The following CALN1 variants were observed in gnomAD, a reference collection of about 807,000 sequenced individuals.
The protein encoded by CALN1 is calneuron 1.
Under a neutral mutation model 30.6 loss-of-function variants are expected in CALN1, and 17 were observed. The ratio of observed to expected loss-of-function variants is 0.56; its 90% confidence interval spans 0.38 to 0.83. CALN1 has a LOEUF of 0.83. Among genes scored for constraint, CALN1 ranks in the 40% least tolerant of loss-of-function variants. The pLI, the probability that CALN1 is intolerant of heterozygous loss-of-function variation, is 0.00. For synonymous variants in CALN1, 156 were observed against 131.4 expected, an observed-to-expected ratio of 1.19 and a Z score of -1.28; for missense variants, 291 against 354.9, an observed-to-expected ratio of 0.82 and a Z score of 1.45.
intron 3 of CALN1, among the ~76,000 whole-genome samples, chr7:72,194,422 C>G (rs373315323): frequency 1.3e-5 from 2 of 151,890 alleles, no homozygotes; most frequent in Non-Finnish European, 2.9e-5. Flanking sequence ...CCCAGCTACT[C>G]GGGAGGCTGA....
intron 3 of CALN1, among the ~76,000 whole-genome samples, chr7:72,197,411 G>A (rs1449846742): frequency 2.0e-5 from 3 of 151,724 alleles, no homozygotes; most frequent in Non-Finnish European, 1.5e-5. Flanking sequence ...CATGTTGGTC[G>A]GGCTGGTCTC....
chr7:72,044,068 C>T (rs972615938), intron 4 of CALN1, among the ~76,000 whole-genome samples: 1 of 151,898 alleles, frequency 6.6e-6, no homozygotes, highest in Non-Finnish European at 1.5e-5. Context: ...CCCACCGGGT[C>T]CCTCCCACAA....
At chr7:72,499,268 C>T in the CALN1 span, among the ~76,000 whole-genome samples, 4 of 152,098 alleles carry the variant, frequency 2.6e-5, no homozygotes, top group African/African-American at 7.2e-5. Flanking sequence ...TGACTTCAAG[C>T]GATCCACCCA....
chr7:72,487,759 A>G, the CALN1 span, among the ~76,000 whole-genome samples: 1 of 128,340 alleles, frequency 7.8e-6, no homozygotes, highest in Non-Finnish European at 1.6e-5. Flanking sequence ...GGAAGGAAGG[A>G]AGGGTAAAGA....
intron 2 of CALN1, among the ~76,000 whole-genome samples, chr7:72,290,482 T>G (rs983738244): frequency 1.3e-5 from 2 of 151,838 alleles, no homozygotes; most frequent in South Asian, 2.1e-4. Context: ...TCCTGGAGAG[T>G]TGACTTTGAG....
intron 5 of CALN1, among the ~76,000 whole-genome samples, chr7:71,946,367 CTTTTTT>C (rs34207419): frequency 2.3e-5 from 3 of 128,678 alleles, no homozygotes; most frequent in African/African-American, 2.9e-5. Flanking sequence ...TTCTTTCTTT[CTTTTTT>C]TTTTTTTTTT....
At chr7:72,081,417 G>GTGTGTGTGTGTGTGTCTGTGTGTC (rs145997789) in intron 4 of CALN1, among the ~76,000 whole-genome samples, 1 of 146,190 alleles carries the variant, frequency 6.8e-6, no homozygotes, top group African/African-American at 2.5e-5. Context: ...GTGTGTGTGT[G>GTGTGTGTGTGTGTGTCTGTGTGTC]TGTGTGTTTG....
chr7:72,318,998 A>C (rs1451922862), intron 2 of CALN1, among the ~76,000 whole-genome samples: 1 of 152,134 alleles, frequency 6.6e-6, no homozygotes. Flanking sequence ...AACTGAAAAG[A>C]GAACTACATT....
At chr7:72,022,496 G>A (rs1041406689) in intron 5 of CALN1, among the ~76,000 whole-genome samples, 2 of 152,190 alleles carry the variant, frequency 1.3e-5, no homozygotes, top group African/African-American at 4.8e-5. Context: ...GGGCTCAAGC[G>A]ATCTTCCTCC....
intron 1 of CALN1, among the ~76,000 whole-genome samples, chr7:72,426,865 G>A (rs928624301): frequency 2.0e-5 from 3 of 152,166 alleles, no homozygotes; most frequent in African/African-American, 4.8e-5. Context: ...AACGTGTGGC[G>A]ATGCTCATTG....
chr7:72,145,871 C>G (rs1306608671), intron 3 of CALN1, among the ~76,000 whole-genome samples: 7 of 152,124 alleles, frequency 4.6e-5, no homozygotes, highest in Non-Finnish European at 1.0e-4. Flanking sequence ...GGACAAAAAC[C>G]ACATGATTAT....
chr7:72,202,234 T>C (rs561020958), intron 3 of CALN1, among the ~76,000 whole-genome samples: 37 of 152,128 alleles, frequency 2.4e-4, no homozygotes, highest in African/African-American at 8.4e-4. Context: ...ATCAGTGATA[T>C]TAAGAATACA....
chr7:72,282,833 C>A (rs963230779), intron 2 of CALN1, among the ~76,000 whole-genome samples: 1 of 152,118 alleles, frequency 6.6e-6, no homozygotes, highest in South Asian at 2.1e-4. Context: ...GCAGGCAGAT[C>A]ACCCAAGGTC....
At chr7:72,371,301 T>C (rs1037941162) in intron 2 of CALN1, among the ~76,000 whole-genome samples, 1 of 152,182 alleles carries the variant, frequency 6.6e-6, no homozygotes, top group Non-Finnish European at 1.5e-5. Context: ...ATGCATATGA[T>C]ATGGTCAGGC....
intron 5 of CALN1, among the ~76,000 whole-genome samples, chr7:71,861,777 CAAAAAAA>C (rs35793572): frequency 1.1e-3 from 80 of 74,708 alleles, no homozygotes; most frequent in Non-Finnish European, 1.3e-3. Flanking sequence ...CAACTCTATC[CAAAAAAA>C]AAAAAAAAAA....
intron 2 of CALN1, among the ~76,000 whole-genome samples, chr7:72,320,040 G>A (rs1562882334): frequency 6.6e-6 from 1 of 152,122 alleles, no homozygotes; most frequent in Non-Finnish European, 1.5e-5. Flanking sequence ...AGAATCACTT[G>A]AACCCAGGAG....
chr7:72,232,823 T>A (rs963870684), intron 3 of CALN1, among the ~76,000 whole-genome samples: 17 of 152,182 alleles, frequency 1.1e-4, no homozygotes, highest in Non-Finnish European at 2.5e-4. Context: ...GAAATTTTTT[T>A]AATACAACAT....
chr7:71,941,361 A>AAC (rs1200693354), intron 5 of CALN1, among the ~76,000 whole-genome samples: 4 of 152,034 alleles, frequency 2.6e-5, no homozygotes, highest in African/African-American at 9.6e-5. Flanking sequence ...AAAAAAAAAA[A>AAC]AAAGAATTTC....
upstream of CALN1, among the ~76,000 whole-genome samples, chr7:72,416,074 G>A (rs1807410389): frequency 6.6e-6 from 1 of 152,176 alleles, no homozygotes; most frequent in African/African-American, 2.4e-5. Flanking sequence ...CACCTGTGAT[G>A]TTGAGGTGGG....
Sources: allele counts gnomAD v4.1 joint callset (sites outside exome capture counted in the v4.1 genomes callset), GRCh38; gene constraint gnomAD v4.1.1; transcripts MANE v1.5; gene names NCBI Gene and HGNC (gene_info 2026-07-23, HGNC 2026-07-21).